Variants in TTC7A observed in about 807,000 individuals in gnomAD.
The protein encoded by TTC7A is tetratricopeptide repeat domain 7A, also known as tetratricopeptide repeat protein 7A.
Under a neutral mutation model 103.7 loss-of-function variants are expected in TTC7A, and 110 were observed. The observed-to-expected ratio is 1.06, with a 90% CI of 0.91 to 1.24. TTC7A has a LOEUF of 1.24. Ranked by LOEUF, TTC7A falls within the 50% of genes most tolerant of loss-of-function variation. The pLI, the probability that TTC7A is intolerant of heterozygous loss-of-function variation, is 0.00. For missense variants in TTC7A, 1,340 were observed against 1,116.3 expected (o/e 1.20, Z -2.86); for synonymous variants, 521 against 467.9 (o/e 1.11, Z -1.47).
At chr2:46,920,664 T>A (rs944283534) in intron 2 of TTC7A, among the ~76,000 whole-genome samples, 87 of 146,044 alleles carry the variant, frequency 6.0e-4, no homozygotes, top group African/African-American at 2.0e-3. Flanking sequence ...AAAAAAAAAA[T>A]AGATAAATTT....
chr2:47,057,878 G>C (rs1008014012), intron 18 of TTC7A, among the ~76,000 whole-genome samples: 1 of 152,322 alleles, frequency 6.6e-6, no homozygotes, highest in Middle Eastern at 3.4e-3. Flanking sequence ...ATAACACTCA[G>C]ATGTGGCACT....
At chr2:47,033,330 C>A (rs1680764143) in intron 15 of TTC7A, among the ~76,000 whole-genome samples, 1 of 152,262 alleles carries the variant, frequency 6.6e-6, no homozygotes. Context: ...AGTCACCTTA[C>A]AGAGGGCTAT....
intron 2 of TTC7A, among the ~76,000 whole-genome samples, chr2:46,931,278 G>T (rs1669686561): frequency 6.6e-6 from 1 of 152,324 alleles, no homozygotes; most frequent in East Asian, 1.9e-4. Context: ...TATAGACAGG[G>T]TCTGGCTCTA....
At chr2:46,961,604 T>TAAATAAATAAATAAATAAATAAATAAAA (rs765403034) in intron 3 of TTC7A, among the ~76,000 whole-genome samples, 10 of 144,838 alleles carry the variant, frequency 6.9e-5, no homozygotes, top group African/African-American at 2.3e-4. Flanking sequence ...AATAAATAAA[T>TAAATAAATAAATAAATAAATAAATAAAA]AAAATAAAAA....
intron 1 of TTC7A, among the ~76,000 whole-genome samples, chr2:46,945,052 C>T (rs1670815427): frequency 6.6e-6 from 1 of 152,162 alleles, no homozygotes; most frequent in African/African-American, 2.4e-5. Context: ...TTGCAGTGAA[C>T]ACCTGTGTAC....
intron 2 of TTC7A, among the ~76,000 whole-genome samples, chr2:46,951,449 G>C (rs899485304): frequency 1.3e-5 from 2 of 152,052 alleles, no homozygotes; most frequent in Admixed American, 6.6e-5. Flanking sequence ...TAGTGGCATG[G>C]GTATGTCATT....
At chr2:46,925,440 C>G (rs1669338498) in intron 2 of TTC7A, among the ~76,000 whole-genome samples, 1 of 152,102 alleles carries the variant, frequency 6.6e-6, no homozygotes, top group African/African-American at 2.4e-5. Flanking sequence ...CGCTTGTAAT[C>G]CCAGCTACTT....
At chr2:46,932,900 CAAA>C (rs34183870) in intron 2 of TTC7A, among the ~76,000 whole-genome samples, 2 of 69,404 alleles carry the variant, frequency 2.9e-5, no homozygotes, top group African/African-American at 5.2e-5. Flanking sequence ...GACTCCATCT[CAAA>C]AAAAAAAAAA....
At chr2:47,047,549 C>T (rs1295000587) in intron 16 of TTC7A, among the ~76,000 whole-genome samples, 1 of 152,226 alleles carries the variant, frequency 6.6e-6, no homozygotes, top group Non-Finnish European at 1.5e-5. Flanking sequence ...ATTCCGATGG[C>T]CTTGTTTTCC....
At chr2:46,982,120 C>A (rs1674528116) in intron 5 of TTC7A, among the ~76,000 whole-genome samples, 1 of 152,230 alleles carries the variant, frequency 6.6e-6, no homozygotes, top group African/African-American at 2.4e-5. Context: ...CATCTGTAAT[C>A]CGAGCACTTT....
intron 1 of TTC7A, among the ~76,000 whole-genome samples, chr2:46,943,652 A>T (rs1485682343): frequency 6.6e-6 from 1 of 152,120 alleles, no homozygotes; most frequent in Non-Finnish European, 1.5e-5. Flanking sequence ...TCCTTTCTCT[A>T]CAGGGTTCCT....
chr2:47,017,574 ATTAT>A (rs1339430694), intron 11 of TTC7A, among the ~76,000 whole-genome samples: 1 of 152,132 alleles, frequency 6.6e-6, no homozygotes, highest in Non-Finnish European at 1.5e-5. Flanking sequence ...TAGACTGTAG[ATTAT>A]CAGAGAATAA....
At chr2:46,958,456 A>T (rs752669372) in intron 3 of TTC7A, 2 of 1,297,750 alleles carry the variant, frequency 1.5e-6, no homozygotes, top group African/African-American at 1.5e-5. Flanking sequence ...CTGGCTCAGG[A>T]TGGATTGCCC....
At chr2:47,001,741 C>G (rs1676829685) in intron 8 of TTC7A, among the ~76,000 whole-genome samples, 1 of 151,944 alleles carries the variant, frequency 6.6e-6, no homozygotes, top group African/African-American at 2.4e-5. Flanking sequence ...TGCCTGTAAT[C>G]CCAACTACTT....
At position 46,941,779 on chromosome 2, in the gene TTC7A, C is replaced by T. The variant is rs1670419069; in HGVS notation, c.184+54C>T. 1 of 1,543,884 alleles carries T rather than the reference C, an allele frequency of 6.5e-7. No individual in the cohort carries two copies. Among genetic ancestry groups the T allele is most frequent in the East Asian group, 2.5e-5 (1 of 40,812 alleles). On this transcript the variant is annotated intron_variant, in intron 1 of 19. Transcript: ENST00000319190. This position sits in a 1 kb window ranked among gnomAD's most constrained non-coding sequence, Gnocchi z 4.2. ...GCAGCGAGCGCGCGAAACGCACCGC[C>T]TCCTCCAGGAAGCGCGCCCAGACAG...
chr2:47,038,205 G>C (rs1031212695), intron 15 of TTC7A, among the ~76,000 whole-genome samples: 1 of 151,046 alleles, frequency 6.6e-6, no homozygotes, highest in African/African-American at 2.4e-5. Flanking sequence ...GTTGCAGTGA[G>C]CCGAGATCAC....
intron 5 of TTC7A, among the ~76,000 whole-genome samples, chr2:46,982,504 C>T (rs899476733): frequency 7.9e-5 from 12 of 152,242 alleles, no homozygotes; most frequent in Non-Finnish European, 1.0e-4. Flanking sequence ...GGGAGCCAAT[C>T]CCAGCTCTTA....
chr2:47,066,310 C>T (rs1180485137), intron 19 of TTC7A, among the ~76,000 whole-genome samples: 1 of 152,088 alleles, frequency 6.6e-6, no homozygotes, highest in Non-Finnish European at 1.5e-5. Context: ...GCCTCTCATC[C>T]CTCACCCCAG....
chr2:47,049,291 A>G (rs1197013436), intron 16 of TTC7A, among the ~76,000 whole-genome samples: 1 of 152,032 alleles, frequency 6.6e-6, no homozygotes, highest in Non-Finnish European at 1.5e-5. Context: ...CGGCGGGCTT[A>G]AGCTGGAGGC....
Sources: allele counts gnomAD v4.1 joint callset (sites outside exome capture counted in the v4.1 genomes callset), GRCh38; gene constraint gnomAD v4.1.1; non-coding constraint Gnocchi (gnomAD v3.1); transcripts MANE v1.5; gene names NCBI Gene and HGNC (gene_info 2026-07-23, HGNC 2026-07-21).